EDIL3: variants seen among roughly 807,000 people sequenced by gnomAD.
EDIL3 encodes the protein EGF-like repeat and discoidin I-like domain-containing protein 3.
EDIL3 carries 37 observed loss-of-function variants against 67.4 expected under a neutral mutation model. The ratio of observed to expected loss-of-function variants is 0.55; its 90% CI spans 0.42 to 0.72. The LOEUF is 0.72. Among genes scored for constraint, EDIL3 ranks in the 30% least tolerant of loss-of-function variants. The probability of loss-of-function intolerance (pLI) is 0.00; values close to 1 mark genes in which losing one functional copy is unlikely to be tolerated. For synonymous variants in EDIL3, 195 were observed against 196.3 expected (o/e 0.99, Z 0.05); for missense variants, 527 against 586.3 (o/e 0.90, Z 1.04).
At chr5:84,239,104 G>A (rs1354988976) in intron 2 of EDIL3, among the ~76,000 whole-genome samples, 1 of 151,994 alleles carries the variant, frequency 6.6e-6, no homozygotes, top group African/African-American at 2.4e-5. Flanking sequence ...AGAAAACAAT[G>A]GACTAATGAG....
intron 4 of EDIL3, among the ~76,000 whole-genome samples, chr5:84,158,650 C>A (rs1748537338): frequency 6.6e-6 from 1 of 151,992 alleles, no homozygotes; most frequent in Non-Finnish European, 1.5e-5. Context: ...ACTTATCCCT[C>A]AATTACATGG....
intron 4 of EDIL3, among the ~76,000 whole-genome samples, chr5:84,166,465 C>T (rs1748705530): frequency 6.6e-6 from 1 of 152,122 alleles, no homozygotes; most frequent in South Asian, 2.1e-4. Context: ...GGTTAACACA[C>T]CAAGGCTCAT....
At position 84,090,879 on chromosome 5, in the gene EDIL3, C is replaced by T. The variant is rs77570092; in HGVS notation, c.651+15770G>A. 1.6e-3 allele frequency among the ~76,000 whole-genome samples: 243 copies of T among 150,994 alleles called. 11 individuals carry two copies. The East Asian group carries it at 0.04, about 25-fold the overall frequency. On this transcript the variant is annotated intron_variant, in intron 6 of 10. Coordinates refer to ENST00000296591, the MANE Select transcript of EDIL3 (RefSeq NM_005711.5). Reference sequence around the variant, plus strand: ...AGGAGAATCGCTTGAACCCGGGAGGCGGAGGTTGCAGTGAGCTGAGATTGC... The same window carrying T: ...AGGAGAATCGCTTGAACCCGGGAGGTGGAGGTTGCAGTGAGCTGAGATTGC...
intron 6 of EDIL3, among the ~76,000 whole-genome samples, chr5:84,075,966 T>C (rs1237564618): frequency 1.5e-5 from 2 of 129,120 alleles, no homozygotes; most frequent in African/African-American, 5.1e-5. Flanking sequence ...TATATATATA[T>C]ATAAATATTT....
chr5:84,210,222 A>G (rs342410), intron 3 of EDIL3, among the ~76,000 whole-genome samples: 99,399 of 151,990 alleles, frequency 0.65, 33,113 homozygotes, highest in East Asian at 0.74. Context: ...TTCAAAACAG[A>G]TAATCCAAAA....
intron 1 of EDIL3, among the ~76,000 whole-genome samples, chr5:84,370,890 A>G (rs1274589066): frequency 6.6e-6 from 1 of 152,122 alleles, no homozygotes; most frequent in Non-Finnish European, 1.5e-5. Context: ...CGATAAAAAG[A>G]TGTATATACC....
rs566980484 is a variant in EDIL3 at position 84,293,808 on chromosome 5, T to C, written c.68-39596A>G. Among the ~76,000 whole-genome samples, 21 of 151,792 alleles carry C rather than the reference T, an allele frequency of 1.4e-4. No homozygotes were observed. In the South Asian group the frequency reaches 2.9e-3, roughly 21 times the overall value. On this transcript the variant is annotated intron_variant, in intron 1 of 10. Coordinates refer to ENST00000296591, the MANE Select transcript of EDIL3 (RefSeq NM_005711.5). ...TTTTTTTTTTGACCAAATGATGTTA[T>C]ATGAGTTTTCTCTTGAAAACAATTC... is the stretch of plus-strand genomic sequence containing the variant.
chr5:84,093,204 G>A (rs1490462131), intron 6 of EDIL3, among the ~76,000 whole-genome samples: 1 of 149,658 alleles, frequency 6.7e-6, no homozygotes, highest in Non-Finnish European at 1.5e-5. Context: ...TTTTTGTTCA[G>A]TATTCCCTAT....
At chr5:84,132,295 TTTATATATAATATATA>T (rs1747983134) in intron 5 of EDIL3, among the ~76,000 whole-genome samples, 1 of 97,156 alleles carries the variant, frequency 1.0e-5, no homozygotes, top group African/African-American at 4.0e-5. Flanking sequence ...TAGTATATAT[TTTATATATAATATATA>T]TTATATATAT....
At chr5:84,296,910 C>T (rs1010962100) in intron 1 of EDIL3, among the ~76,000 whole-genome samples, 1 of 152,116 alleles carries the variant, frequency 6.6e-6, no homozygotes, top group African/African-American at 2.4e-5. Flanking sequence ...AGGTCAGGTT[C>T]GCTGGCTCAC....
intron 9 of EDIL3, among the ~76,000 whole-genome samples, chr5:84,006,612 C>T (rs1745421911): frequency 1.3e-5 from 2 of 152,080 alleles, no homozygotes. Context: ...TAAAAAAGTA[C>T]TTAACAGGTA....
intron 9 of EDIL3, 70 bp from the exon 10 acceptor site, chr5:83,963,430 C>A: frequency 1.3e-6 from 2 of 1,481,850 alleles, no homozygotes; most frequent in South Asian, 1.4e-5. Flanking sequence ...CTTTTGATGT[C>A]AAGAGAATAA....
At chr5:84,371,446 T>G (rs1229725941) in intron 1 of EDIL3, among the ~76,000 whole-genome samples, 5 of 87,112 alleles carry the variant, frequency 5.7e-5, no homozygotes, top group African/African-American at 1.3e-4. Flanking sequence ...TATATATATA[T>G]ATATAGAGAG....
At chr5:83,986,378 G>T (rs1745057733) in intron 9 of EDIL3, among the ~76,000 whole-genome samples, 1 of 152,052 alleles carries the variant, frequency 6.6e-6, no homozygotes, top group African/African-American at 2.4e-5. Flanking sequence ...TTATGCATTA[G>T]CTTGGTGACC....
At chr5:84,065,826 C>T (rs925439298) in intron 7 of EDIL3, among the ~76,000 whole-genome samples, 7 of 151,844 alleles carry the variant, frequency 4.6e-5, no homozygotes, top group South Asian at 4.2e-4. Context: ...TTAAGGAGTG[C>T]GTTAATCAGC....
At chr5:84,292,767 AAC>A (rs948937661) in intron 1 of EDIL3, among the ~76,000 whole-genome samples, 55 of 152,298 alleles carry the variant, frequency 3.6e-4, no homozygotes, top group African/African-American at 1.3e-3. Flanking sequence ...TAATGTGAGA[AAC>A]ACACTCACCC....
At chr5:84,291,806 TAC>T (rs1745928648) in intron 1 of EDIL3, among the ~76,000 whole-genome samples, 13 of 147,802 alleles carry the variant, frequency 8.8e-5, no homozygotes, top group South Asian at 6.3e-4. Context: ...CACATATATA[TAC>T]ACACACATAT....
intron 3 of EDIL3, among the ~76,000 whole-genome samples, chr5:84,213,792 T>C (rs1321157056): frequency 1.3e-5 from 2 of 152,200 alleles, no homozygotes; most frequent in East Asian, 1.9e-4. Flanking sequence ...TTTTTAAGTA[T>C]GTTACTTAAA....
intron 9 of EDIL3, among the ~76,000 whole-genome samples, chr5:83,991,291 CT>C (rs1745146790): frequency 6.6e-6 from 1 of 152,030 alleles, no homozygotes; most frequent in African/African-American, 2.4e-5. Flanking sequence ...ATAGTAAGAT[CT>C]GACATTGTAA....
Sources: gnomAD v4.1 joint callset for allele counts (sites outside exome capture counted in the v4.1 genomes callset) on GRCh38, gnomAD v4.1.1 for gene constraint, MANE v1.5 for transcripts, NCBI Gene and HGNC (gene_info 2026-07-23, HGNC 2026-07-21) for gene names.